The following KIAA1217 variants were observed in gnomAD, a reference collection of about 807,000 sequenced individuals.
The protein encoded by KIAA1217 is sickle tail protein homolog.
A neutral mutation model predicts 163.9 loss-of-function variants in KIAA1217; 88 were observed. That is an observed-to-expected ratio of 0.54 (90% CI 0.45 to 0.64). The LOEUF (loss-of-function observed/expected upper bound fraction) is 0.64. KIAA1217 is among the 30% of genes least tolerant of loss of function. The probability of loss-of-function intolerance (pLI) is 0.00; values close to 1 mark genes in which losing one functional copy is unlikely to be tolerated. For synonymous variants in KIAA1217, 903 were observed against 923.1 expected, an observed-to-expected ratio of 0.98 and a Z score of 0.39; for missense variants, 2,372 against 2,475.0, an observed-to-expected ratio of 0.96 and a Z score of 0.88.
intron 1 of KIAA1217, among the ~76,000 whole-genome samples, chr10:23,995,361 C>A (rs1218817778): frequency 6.6e-6 from 1 of 152,020 alleles, no homozygotes; most frequent in African/African-American, 2.4e-5. Flanking sequence ...GCTTAGGAAA[C>A]CTGACATGTT....
chr10:24,244,187 T>A (rs1437633886), intron 2 of KIAA1217, among the ~76,000 whole-genome samples: 1 of 152,226 alleles, frequency 6.6e-6, no homozygotes, highest in East Asian at 1.9e-4. Context: ...ATGTCATTTT[T>A]GGAATTTTCA....
chr10:23,854,788 T>A (rs1839560748), intron 1 of KIAA1217, among the ~76,000 whole-genome samples: 1 of 152,232 alleles, frequency 6.6e-6, no homozygotes, highest in South Asian at 2.1e-4. Flanking sequence ...TTGTCTCTTT[T>A]GATCTTTGTT....
chr10:24,400,584 T>G (rs1469287358), intron 3 of KIAA1217, among the ~76,000 whole-genome samples: 1 of 152,164 alleles, frequency 6.6e-6, no homozygotes, highest in Non-Finnish European at 1.5e-5. Flanking sequence ...GACAAGGAAG[T>G]GCAATCCAAC....
rs58529942 is a variant in KIAA1217 at position 24,511,152 on chromosome 10, CAAAA to C, written c.2002-2089_2002-2086del. Among the ~76,000 whole-genome samples the C allele has an allele frequency of 2.0e-4, 7 of 34,512 alleles. 1 individual carries two copies. The highest frequency in any genetic ancestry group is 1.6e-3 in the South Asian group (1 of 610). The allele number at this position is 34,512 out of a possible 152,430, so 22.6% of individuals were successfully genotyped here. The stretch of plus-strand genomic sequence containing the variant: ...TGGGCAACAGAGTGAGACTCTGTCT[CAAAA>C]AAAAAAAAAAAAAAAAAGGAGCCTG... On this transcript the variant is annotated intron_variant, in intron 9 of 20. Transcript: ENST00000376454.
intron 1 of KIAA1217, among the ~76,000 whole-genome samples, chr10:23,918,037 G>T (rs1842695333): frequency 6.6e-6 from 1 of 151,908 alleles, no homozygotes; most frequent in South Asian, 2.1e-4. Context: ...TTAAGAGACA[G>T]GATCTTTCTC....
chr10:24,513,268 C>G lies in KIAA1217; in HGVS notation c.2011C>G (p.Gln671Glu). 1 of 1,613,928 alleles carries G rather than the reference C, an allele frequency of 6.2e-7. No individual in the cohort carries two copies. The highest frequency in any genetic ancestry group is 2.2e-5 in the East Asian group (1 of 44,870). ...QQMRQLQLQN[Q>E]ELLRAMMKKA... Reference sequence around the variant, plus strand: ...TTTTTTGTGTTCACAGCTGCAGAACCAGGAGTTGCTGAGGGCAATGATGAA... The same window carrying G: ...TTTTTTGTGTTCACAGCTGCAGAACGAGGAGTTGCTGAGGGCAATGATGAA... Residue 671 changes from glutamine (Q) to glutamate (E), a missense_variant, in exon 10 of 21, where the codon CAG (glutamine) becomes GAG (glutamate). Gln to Glu is a conservative substitution (Grantham distance 29). This residue lies in a region of KIAA1217 where 1,431 missense variants were observed against 1,470.3 expected (regional missense o/e 0.97). Transcript: ENST00000376454.
chr10:24,389,630 C>T (rs1022626770), intron 3 of KIAA1217, among the ~76,000 whole-genome samples: 1 of 152,022 alleles, frequency 6.6e-6, no homozygotes. Flanking sequence ...GCATCAGAAC[C>T]AGCGCCCTGG....
Position 24,351,598 on chromosome 10 carries a change from G to A in KIAA1217, c.355-29271G>A, listed in dbSNP as rs79688970. Among the ~76,000 whole-genome samples the A allele has an allele frequency of 7.9e-3, 1,196 of 152,290 alleles. 7 individuals are homozygous for A. Among genetic ancestry groups the A allele is most frequent in the Non-Finnish European group, 0.013 (880 of 68,020 alleles). ...CACCTTGGGTTGAGGCAGAACTCATGAAAAACAATGAAGCAAGGAATAATT... is the reference window on the plus strand; with the variant it reads ...CACCTTGGGTTGAGGCAGAACTCATAAAAAACAATGAAGCAAGGAATAATT... On this transcript the variant is annotated intron_variant, in intron 2 of 20. Transcript: ENST00000376454.
At position 23,739,781 on chromosome 10, in the gene KIAA1217, T is replaced by C. The variant is rs1453120869; in HGVS notation, c.-321+44547T>C. The stretch of plus-strand genomic sequence containing the variant: ...CGAGGCTCCTGAGAGATCCTGTGGA[T>C]CTCACCTTGTGATTCCAGTGAGACA... On this transcript the variant is annotated intron_variant, in intron 1 of 18. Transcript: ENST00000376462. 5.3e-5 allele frequency among the ~76,000 whole-genome samples: 8 copies of C among 152,248 alleles called. No homozygotes were observed. In the East Asian group the frequency reaches 1.5e-3, roughly 29 times the overall value.
rs2075326732 is a variant in KIAA1217 at position 24,543,271 on chromosome 10, A to G, written c.4001A>G (p.Lys1334Arg). ...ACAGAATCAAGCGTGCATGATTTTA[A>G]AACAGAAGATCAAGAGGTTATCACG... ...RLTESSVHDF[K>R]TEDQEVITTD... The change falls in exon 19 of 21, where the codon AAA becomes AGA. Residue 1334 changes from lysine (K) to arginine (R), a missense_variant. Physicochemically the swap from Lys to Arg is conservative, Grantham distance 26. Transcript: ENST00000376454. 6.2e-7 allele frequency: 1 copy of G among 1,614,084 alleles called. No homozygotes were observed. The highest frequency in any genetic ancestry group is 8.5e-7 in the Non-Finnish European group (1 of 1,180,022).
At chr10:24,250,621 T>TTTTTAG in intron 2 of KIAA1217, among the ~76,000 whole-genome samples, 1 of 50,730 alleles carries the variant, frequency 2.0e-5, no homozygotes, top group Non-Finnish European at 3.3e-5. Flanking sequence ...TTTGTATTGT[T>TTTTTAG]AATAGAGACG....
intron 9 of KIAA1217, among the ~76,000 whole-genome samples, chr10:24,503,721 C>T (rs2067975367): frequency 2.0e-5 from 3 of 152,054 alleles, no homozygotes; most frequent in African/African-American, 7.2e-5. Context: ...CTCTGCAGGC[C>T]AAAGGACACA....
At chr10:24,396,828 G>A (rs1323495664) in intron 3 of KIAA1217, among the ~76,000 whole-genome samples, 1 of 152,184 alleles carries the variant, frequency 6.6e-6, no homozygotes, top group Non-Finnish European at 1.5e-5. Context: ...TGGCAACATT[G>A]GAAAGAGAAT....
chr10:23,879,401 G>A (rs1031983881), intron 1 of KIAA1217, among the ~76,000 whole-genome samples: 1 of 151,968 alleles, frequency 6.6e-6, no homozygotes. Flanking sequence ...AACCAGAAAA[G>A]AGAATGAGCT....
In KIAA1217 at chr10:24,531,892, C is replaced by G; in HGVS notation, c.3145C>G (p.Pro1049Ala). ...KLGGKSPPPPPPPPRRSYLPG... is the reference protein window; with the variant it reads ...KLGGKSPPPPAPPPRRSYLPG... ...GGGGGGAAAGTCGCCCCCTCCTCCT[C>G]CGCCACCTCCTCGTCGAAGCTACCT... is the stretch of plus-strand genomic sequence containing the variant. Residue 1049 changes from proline (P) to alanine (A), a missense_variant, in exon 15 of 21, where the codon CCG becomes GCG. Transcript: ENST00000376454. 1 of 1,610,386 alleles carries G rather than the reference C, an allele frequency of 6.2e-7. No individual in the cohort carries two copies. Among genetic ancestry groups the G allele is most frequent in the Non-Finnish European group, 8.5e-7 (1 of 1,177,842 alleles).
chr10:24,299,887 T>C (rs2041097991), intron 2 of KIAA1217, among the ~76,000 whole-genome samples: 1 of 152,186 alleles, frequency 6.6e-6, no homozygotes, highest in African/African-American at 2.4e-5. Flanking sequence ...CTGACCAAAC[T>C]GCCTCTGTTT....
At chr10:24,385,345 G>A (rs1169343356) in intron 3 of KIAA1217, among the ~76,000 whole-genome samples, 3 of 152,212 alleles carry the variant, frequency 2.0e-5, no homozygotes, top group Admixed American at 6.5e-5. Flanking sequence ...CGCAAATGGT[G>A]TTAAAAGACA....
At chr10:24,071,854 A>G (rs1448602410) in intron 2 of KIAA1217, among the ~76,000 whole-genome samples, 2 of 152,218 alleles carry the variant, frequency 1.3e-5, no homozygotes, top group African/African-American at 4.8e-5. Context: ...AGGGACAGAT[A>G]GTAGAGAGGT....
rs967775635 is a variant in KIAA1217 at position 24,427,975 on chromosome 10, C to T, written c.554-5020C>T. 2.6e-5 allele frequency among the ~76,000 whole-genome samples: 4 copies of T among 152,226 alleles called. No homozygotes were observed. In the East Asian group the frequency reaches 5.8e-4, roughly 22 times the overall value. On this transcript the variant is annotated intron_variant, in intron 3 of 20. Coordinates refer to ENST00000376454, the MANE Select transcript of KIAA1217 (RefSeq NM_019590.5). ...TTTTCCCATCCTGCCTGGCTTGTCA[C>T]GTTCTGTGACTGGACTCATGCACCC...
Sources: allele counts gnomAD v4.1 joint callset (sites outside exome capture counted in the v4.1 genomes callset), GRCh38; gene constraint gnomAD v4.1.1; regional missense constraint gnomAD v4.1.1; transcripts MANE v1.5; gene names NCBI Gene and HGNC (gene_info 2026-07-23, HGNC 2026-07-21).